TAF1B: variants seen among roughly 807,000 people sequenced by gnomAD.
The protein encoded by TAF1B is TATA-box binding protein associated factor, RNA polymerase I subunit B.
Under a neutral mutation model 83.9 loss-of-function variants are expected in TAF1B, and 61 were observed. The observed-to-expected ratio is 0.73, with a 90% CI of 0.59 to 0.90. TAF1B has a LOEUF of 0.90. TAF1B is among the 40% of genes least tolerant of loss of function. The pLI is 0.00. For missense variants in TAF1B, 625 were observed against 677.0 expected (o/e 0.92, Z 0.85); for synonymous variants, 221 against 224.6 (o/e 0.98, Z 0.14).
chr2:9,888,267 A>G (rs1250874536), intron 8 of TAF1B, among the ~76,000 whole-genome samples: 1 of 151,514 alleles, frequency 6.6e-6, no homozygotes, highest in Non-Finnish European at 1.5e-5. Context: ...CCCTCCTCCC[A>G]TCCTTTAGTG....
intron 7 of TAF1B, among the ~76,000 whole-genome samples, chr2:9,876,830 A>G (rs553218338): frequency 2.0e-5 from 3 of 152,314 alleles, no homozygotes; most frequent in African/African-American, 7.2e-5. Context: ...ATAGGGTTGT[A>G]ACTACTTTCA....
intron 2 of TAF1B, chr2:9,846,228 T>C (rs1663203579): frequency 2.4e-6 from 1 of 416,254 alleles, no homozygotes; most frequent in Non-Finnish European, 4.8e-6. Flanking sequence ...CCATCACACC[T>C]GCCTCTTAAA....
intron 8 of TAF1B, among the ~76,000 whole-genome samples, chr2:9,887,393 A>G (rs1207478198): frequency 2.6e-5 from 4 of 152,178 alleles, no homozygotes; most frequent in African/African-American, 9.6e-5. Context: ...TTCACATCCT[A>G]TCAGTTTTTG....
At chr2:9,905,491 T>G (rs1226028409) in intron 9 of TAF1B, among the ~76,000 whole-genome samples, 1 of 152,198 alleles carries the variant, frequency 6.6e-6, no homozygotes, top group African/African-American at 2.4e-5. Flanking sequence ...CAAAGTCTGG[T>G]CAGATCATAT....
chr2:9,919,101 TA>T lies in TAF1B; in HGVS notation c.1339del (p.Arg447GlufsTer5). On this transcript the variant is annotated frameshift_variant, in exon 13 of 15. Coordinates refer to ENST00000263663, the MANE Select transcript of TAF1B (RefSeq NM_005680.3). LOFTEE classifies it high-confidence loss of function. Reference sequence around the variant, plus strand: ...CATTTGTCGACAAACCAGTAGCATATAAAAAAAGAGGTAAGTCAAATTTTGT... The same window carrying T: ...CATTTGTCGACAAACCAGTAGCATATAAAAAAGAGGTAAGTCAAATTTTGT... ...YSFVDKPVAY[K>X]KREMVVNLQK... 1 of 1,613,718 alleles carries T rather than the reference TA, an allele frequency of 6.2e-7. No individual in the cohort carries two copies. The highest frequency in any genetic ancestry group is 8.5e-7 in the Non-Finnish European group (1 of 1,179,876).
intron 14 of TAF1B, among the ~76,000 whole-genome samples, chr2:9,925,168 AGG>A (rs1665995983): frequency 6.6e-6 from 1 of 152,208 alleles, no homozygotes; most frequent in South Asian, 2.1e-4. Flanking sequence ...CAGGCCGGGC[AGG>A]GTGGCTCACA....
At chr2:9,886,112 A>G (rs1216615954) in intron 8 of TAF1B, among the ~76,000 whole-genome samples, 2 of 137,024 alleles carry the variant, frequency 1.5e-5, no homozygotes, top group Admixed American at 7.4e-5. Flanking sequence ...CAAAATGCAG[A>G]CATATTGACG....
In TAF1B at chr2:9,883,789, C is replaced by CT. The variant is rs2125155632; in HGVS notation, c.807+985dup. The stretch of plus-strand genomic sequence containing the variant: ...AATGTCAAAGGATTAAGAGTACTCC[C>CT]TGGCAAAGCTGATAGAGCCCCTGAA... On this transcript the variant is annotated intron_variant, in intron 8 of 14. Transcript: ENST00000263663. Among the ~76,000 whole-genome samples, 2 of 152,326 alleles carry CT rather than the reference C, an allele frequency of 1.3e-5. 1 individual carries two copies. Among genetic ancestry groups the CT allele is most frequent in the South Asian group, 4.1e-4 (2 of 4,830 alleles).
intron 12 of TAF1B, 97 bp from the exon 13 acceptor site, chr2:9,918,944 A>G (rs879854978): frequency 2.3e-5 from 24 of 1,066,528 alleles, no homozygotes; most frequent in Non-Finnish European, 3.3e-5. Context: ...AGCCAGAGCT[A>G]TAACGAAATA....
chr2:9,849,972 T>TC (rs1213658803), intron 3 of TAF1B, among the ~76,000 whole-genome samples: 5 of 152,106 alleles, frequency 3.3e-5, no homozygotes, highest in Non-Finnish European at 7.4e-5. Context: ...TAATGGGGAC[T>TC]CTTCTACATG....
rs763848953 is a variant in TAF1B, at chr2:9,851,535, A to G, written c.206-6A>G. On this transcript the variant is annotated splice_region_variant and splice_polypyrimidine_tract_variant and intron_variant, in intron 3 of 14. Coordinates refer to ENST00000263663, the MANE Select transcript of TAF1B (RefSeq NM_005680.3). ...TATATGCTAAAACATGCTATTTGTC[A>G]TTTAGAAAAAGGCTGGGATTGGTAT... 18 of 1,592,948 alleles carry G rather than the reference A, an allele frequency of 1.1e-5. No individual in the cohort carries two copies. The highest frequency in any genetic ancestry group is 2.7e-5 in the African/African-American group (2 of 74,070).
chr2:9,866,795 G>A (rs1459587316), intron 5 of TAF1B, among the ~76,000 whole-genome samples: 5 of 152,126 alleles, frequency 3.3e-5, no homozygotes, highest in African/African-American at 1.2e-4. Context: ...AGGGACATGG[G>A]TGAAGCTGGA....
chr2:9,919,503 A>C, intron 13 of TAF1B, 95 bp from the exon 14 acceptor site: 34 of 1,076,958 alleles, frequency 3.2e-5, no homozygotes, highest in Non-Finnish European at 4.6e-5. Context: ...AAACTAAGGA[A>C]CCAATATTGG....
intron 8 of TAF1B, among the ~76,000 whole-genome samples, chr2:9,902,297 A>G (rs981278024): frequency 6.6e-6 from 1 of 151,026 alleles, no homozygotes; most frequent in Non-Finnish European, 1.5e-5. Flanking sequence ...TCATAAATGT[A>G]TAGACAGTGT....
Position 9,868,312 on chromosome 2 carries a change from A to G in TAF1B, c.436A>G (p.Ser146Gly), listed in dbSNP as rs1195024752. The change falls in exon 6 of 15, where the codon AGT becomes GGT. Residue 146 changes from serine (S) to glycine (G), a missense_variant. Physicochemically the swap from Ser to Gly is moderately conservative, Grantham distance 56. Coordinates refer to ENST00000263663, the MANE Select transcript of TAF1B (RefSeq NM_005680.3). ...TAATCTAAGTCATTCAGACTGGGCT[A>G]GTGAGCCTGAGCTGCTAAGTGATGT... ...EDNLSHSDWA[S>G]EPELLSDVSC... is the part of the protein sequence containing the mutation. 1.2e-6 allele frequency: 2 copies of G among 1,614,218 alleles called. No individual in the cohort carries two copies. The highest frequency in any genetic ancestry group is 1.7e-5 in the Admixed American group (1 of 60,022).
At chr2:9,873,822 C>CGTA (rs1399800245) in intron 6 of TAF1B, among the ~76,000 whole-genome samples, 1 of 151,774 alleles carries the variant, frequency 6.6e-6, no homozygotes, top group Non-Finnish European at 1.5e-5. Context: ...GCAATGCTAC[C>CGTA]GCTCCAGTCC....
intron 2 of TAF1B, chr2:9,846,188 T>C (rs1663202601): frequency 2.2e-6 from 1 of 459,570 alleles, no homozygotes; most frequent in Admixed American, 2.5e-5. Context: ...GACTTGAATG[T>C]GAGTCTTCTG....
chr2:9,933,697 G>A, intron 14 of TAF1B, 86 bp from the exon 15 acceptor site: 2 of 1,119,214 alleles, frequency 1.8e-6, no homozygotes, highest in Non-Finnish European at 2.6e-6. Flanking sequence ...TATTTGCTAA[G>A]TTATTTGGGG....
chr2:9,934,073 A>G lies in TAF1B; in HGVS notation c.*89A>G. ...ATAACATTCCAGAGAATTGTGGAAAATACTGCATATATATGTATAGACTCT... is the reference window on the plus strand; with the variant it reads ...ATAACATTCCAGAGAATTGTGGAAAGTACTGCATATATATGTATAGACTCT... On this transcript the variant is annotated 3_prime_UTR_variant, in exon 15 of 15. Coordinates refer to ENST00000263663, the MANE Select transcript of TAF1B (RefSeq NM_005680.3). 1 of 1,020,888 alleles carries G rather than the reference A, an allele frequency of 9.8e-7. No individual in the cohort carries two copies. Among genetic ancestry groups the G allele is most frequent in the Non-Finnish European group, 1.4e-6 (1 of 704,676 alleles). The allele number at this position is 1,020,888 out of a possible 1,614,324, so 63.2% of individuals were successfully genotyped here.
Sources: allele counts gnomAD v4.1 joint callset (sites outside exome capture counted in the v4.1 genomes callset), GRCh38; gene constraint gnomAD v4.1.1; transcripts MANE v1.5; gene names NCBI Gene and HGNC (gene_info 2026-07-23, HGNC 2026-07-21).